OPCML: variants seen among roughly 807,000 people sequenced by gnomAD.
OPCML encodes opioid binding protein/cell adhesion molecule like.
Under a neutral mutation model 37.8 loss-of-function variants are expected in OPCML, and 13 were observed. The observed-to-expected ratio is 0.34, with a 90% CI of 0.22 to 0.55. OPCML has a LOEUF of 0.55. Ranked by LOEUF, OPCML falls within the 20% of genes least tolerant of loss-of-function variation. The pLI, the probability that OPCML is intolerant of heterozygous loss-of-function variation, is 0.91. For missense variants in OPCML, 341 were observed against 435.6 expected (o/e 0.78, Z 1.93); for synonymous variants, 176 against 168.8 (o/e 1.04, Z -0.33).
intron 3 of OPCML, among the ~76,000 whole-genome samples, chr11:132,629,835 A>C (rs1939983157): frequency 6.6e-6 from 1 of 152,242 alleles, no homozygotes; most frequent in African/African-American, 2.4e-5. Context: ...AGTTGGCCAT[A>C]ATAATGGATA....
intron 1 of OPCML, among the ~76,000 whole-genome samples, chr11:133,503,000 C>G (rs935476066): frequency 6.6e-6 from 1 of 152,186 alleles, no homozygotes; most frequent in Non-Finnish European, 1.5e-5. Context: ...CTAGCCTGAA[C>G]TAAACTTCCC....
At chr11:132,556,937 C>T (rs1007607284) in intron 3 of OPCML, among the ~76,000 whole-genome samples, 1 of 152,128 alleles carries the variant, frequency 6.6e-6, no homozygotes, top group Admixed American at 6.5e-5. Context: ...TTTTGAAACC[C>T]ATGAGGAAGA....
intron 7 of OPCML, among the ~76,000 whole-genome samples, chr11:132,425,166 A>G (rs2095974003): frequency 6.6e-6 from 1 of 152,230 alleles, no homozygotes; most frequent in African/African-American, 2.4e-5. Context: ...TGCTTTCACA[A>G]AGAAAGACAG....
chr11:133,528,110 G>A (rs754379048), intron 1 of OPCML, among the ~76,000 whole-genome samples: 1 of 152,228 alleles, frequency 6.6e-6, no homozygotes, highest in Non-Finnish European at 1.5e-5. Context: ...CAGGACCGAG[G>A]GAACATGGGA....
chr11:132,763,039 C>T (rs1946318247), intron 2 of OPCML, among the ~76,000 whole-genome samples: 1 of 152,104 alleles, frequency 6.6e-6, no homozygotes, highest in Non-Finnish European at 1.5e-5. Flanking sequence ...ATGTCACAGT[C>T]CCTCATGGCT....
At chr11:132,601,547 T>C (rs1937901849) in intron 3 of OPCML, among the ~76,000 whole-genome samples, 1 of 152,130 alleles carries the variant, frequency 6.6e-6, no homozygotes, top group South Asian at 2.1e-4. Flanking sequence ...GAACTAACAT[T>C]CATTCCAAGA....
intron 1 of OPCML, among the ~76,000 whole-genome samples, chr11:133,400,908 G>GA (rs1945389204): frequency 6.6e-6 from 1 of 152,120 alleles, no homozygotes; most frequent in Non-Finnish European, 1.5e-5. Context: ...TGCAATCAAA[G>GA]AAAAAATAAA....
chr11:132,709,620 C>T (rs1793285), intron 2 of OPCML, among the ~76,000 whole-genome samples: 16,592 of 152,066 alleles, frequency 0.11, 1,014 homozygotes, highest in African/African-American at 0.15. Context: ...CCCCTGGTTT[C>T]GGATCACTTG....
At chr11:133,038,774 A>G (rs951230030) in intron 1 of OPCML, among the ~76,000 whole-genome samples, 1 of 151,528 alleles carries the variant, frequency 6.6e-6, no homozygotes, top group African/African-American at 2.4e-5. Context: ...ATTGGTTGTA[A>G]TAGGGTTGAT....
intron 2 of OPCML, among the ~76,000 whole-genome samples, chr11:132,845,097 G>A (rs1451984508): frequency 1.3e-5 from 2 of 152,018 alleles, no homozygotes; most frequent in Admixed American, 6.6e-5. Flanking sequence ...CAAGGTATGT[G>A]GGGAAGCTCA....
intron 3 of OPCML, among the ~76,000 whole-genome samples, chr11:132,651,844 C>T (rs1289776388): frequency 6.6e-6 from 1 of 152,204 alleles, no homozygotes. Context: ...TAAAATTCAT[C>T]ATTTCCAGCC....
At chr11:133,144,739 A>C (rs1949874523) in intron 1 of OPCML, among the ~76,000 whole-genome samples, 1 of 152,242 alleles carries the variant, frequency 6.6e-6, no homozygotes, top group South Asian at 2.1e-4. Flanking sequence ...ACAAGTGATC[A>C]AGTGTCTATA....
intron 1 of OPCML, among the ~76,000 whole-genome samples, chr11:133,078,895 G>A (rs529193600): frequency 2.0e-5 from 3 of 152,200 alleles, no homozygotes; most frequent in African/African-American, 7.2e-5. Context: ...TACTGCTTGA[G>A]AAATACAAAG....
At chr11:133,193,895 A>T (rs1938424401) in intron 1 of OPCML, among the ~76,000 whole-genome samples, 1 of 152,216 alleles carries the variant, frequency 6.6e-6, no homozygotes, top group Admixed American at 6.5e-5. Context: ...TCAATGTCCT[A>T]TATGCCCCAT....
chr11:132,925,725 T>C (rs189743897), intron 2 of OPCML, among the ~76,000 whole-genome samples: 12 of 152,318 alleles, frequency 7.9e-5, no homozygotes, highest in African/African-American at 2.9e-4. Context: ...GTCTCTAGTT[T>C]TTAAGGTAGT....
At chr11:132,676,978 T>C (rs1002649022) in intron 2 of OPCML, among the ~76,000 whole-genome samples, 2 of 152,010 alleles carry the variant, frequency 1.3e-5, no homozygotes, top group Middle Eastern at 3.2e-3. Flanking sequence ...ACATTTGATA[T>C]AATCATCTAT....
At chr11:132,557,120 T>A (rs2096397420) in intron 3 of OPCML, among the ~76,000 whole-genome samples, 4 of 152,192 alleles carry the variant, frequency 2.6e-5, no homozygotes, top group Admixed American at 2.6e-4. Flanking sequence ...GGAGACAAAG[T>A]AATAATAAAA....
At chr11:133,434,141 G>T (rs1225599781) in intron 1 of OPCML, among the ~76,000 whole-genome samples, 2 of 151,988 alleles carry the variant, frequency 1.3e-5, no homozygotes, top group Non-Finnish European at 2.9e-5. Context: ...TTTACATTGA[G>T]GAGAAATTAC....
At position 133,486,931 on chromosome 11, in the gene OPCML, C is replaced by A. The variant is rs553185893; in HGVS notation, c.61+45333G>T. On this transcript the variant is annotated intron_variant, in intron 1 of 7. Transcript: ENST00000524381. ...TCTTCCCCTCCACCCCCTACATAAC[C>A]AATGCATCAAAAACTCTCTGGCTCT... Among the ~76,000 whole-genome samples, 3 of 151,142 alleles carry A rather than the reference C, an allele frequency of 2.0e-5. No homozygotes were observed. The South Asian group carries it at 6.3e-4, about 32-fold the overall frequency.
Sources: gnomAD v4.1 joint callset for allele counts (sites outside exome capture counted in the v4.1 genomes callset) on GRCh38, gnomAD v4.1.1 for gene constraint, MANE v1.5 for transcripts, NCBI Gene and HGNC (gene_info 2026-07-23, HGNC 2026-07-21) for gene names.